NLGN1: variants seen among roughly 807,000 people sequenced by gnomAD.
The protein encoded by NLGN1 is neuroligin-1.
In NLGN1, 12 loss-of-function variants were observed where a neutral mutation model predicts 65.5. That is an observed-to-expected ratio of 0.18 (90% CI 0.12 to 0.30). The LOEUF is 0.30. Ranked by LOEUF, NLGN1 falls within the 10% of genes least tolerant of loss-of-function variation. The probability of loss-of-function intolerance (pLI) is 1.00; values close to 1 mark genes in which losing one functional copy is unlikely to be tolerated. For synonymous variants in NLGN1, 350 were observed against 359.5 expected (o/e 0.97, Z 0.30); for missense variants, 750 against 1,007.1 (o/e 0.74, Z 3.46).
chr3:173,579,662 T>C lies in NLGN1; in HGVS notation c.-320-24617T>C, dbSNP rs560155716. 5.2e-4 allele frequency among the ~76,000 whole-genome samples: 79 copies of C among 152,370 alleles called. 1 individual carries two copies. The highest frequency in any genetic ancestry group is 9.0e-4 in the Non-Finnish European group (61 of 68,034). Reference sequence around the variant, plus strand: ...GTCAAGCATTTTAAGTAGTCTTTTCTAATTAAGCAGGATTGTGGGAGTAGA... The same window carrying C: ...GTCAAGCATTTTAAGTAGTCTTTTCCAATTAAGCAGGATTGTGGGAGTAGA... On this transcript the variant is annotated intron_variant, in intron 2 of 6. Transcript: ENST00000457714.
At chr3:173,690,940 G>A (rs1372085862) in intron 3 of NLGN1, among the ~76,000 whole-genome samples, 1 of 152,124 alleles carries the variant, frequency 6.6e-6, no homozygotes, top group Non-Finnish European at 1.5e-5. Context: ...AGTGCCTTAG[G>A]AGAAGCTGTA....
intron 3 of NLGN1, among the ~76,000 whole-genome samples, chr3:173,705,489 G>T (rs1767911242): frequency 6.6e-6 from 1 of 152,090 alleles, no homozygotes; most frequent in Non-Finnish European, 1.5e-5. Flanking sequence ...AATACACATT[G>T]CTGCTTTGAA....
chr3:173,492,005 C>T (rs1057144638), intron 2 of NLGN1, among the ~76,000 whole-genome samples: 1 of 151,738 alleles, frequency 6.6e-6, no homozygotes, highest in Non-Finnish European at 1.5e-5. Flanking sequence ...TGTAATTCCT[C>T]CTCACTGACA....
At chr3:173,527,732 A>G (rs1227225683) in intron 2 of NLGN1, among the ~76,000 whole-genome samples, 2 of 152,046 alleles carry the variant, frequency 1.3e-5, no homozygotes, top group African/African-American at 4.8e-5. Context: ...TTCTTTTCCT[A>G]TAGAGTTGTT....
At chr3:174,017,838 A>G (rs749073165) in intron 4 of NLGN1, among the ~76,000 whole-genome samples, 2 of 152,178 alleles carry the variant, frequency 1.3e-5, no homozygotes, top group African/African-American at 2.4e-5. Flanking sequence ...CTGGGGCGAA[A>G]TTAAAATTGC....
intron 4 of NLGN1, among the ~76,000 whole-genome samples, chr3:173,855,171 A>C (rs767441544): frequency 6.6e-6 from 1 of 152,126 alleles, no homozygotes; most frequent in Non-Finnish European, 1.5e-5. Flanking sequence ...TATGGTGTTC[A>C]TAAGAGTGGT....
At chr3:173,470,642 A>G (rs1725161537) in intron 2 of NLGN1, among the ~76,000 whole-genome samples, 1 of 152,122 alleles carries the variant, frequency 6.6e-6, no homozygotes, top group Admixed American at 6.6e-5. Flanking sequence ...GCTGTTATAG[A>G]ATTAAATGAG....
chr3:173,489,074 C>CT lies in NLGN1; in HGVS notation c.-321+54005dup, dbSNP rs377346430. On this transcript the variant is annotated intron_variant, in intron 2 of 6. Coordinates refer to ENST00000457714, the Ensembl canonical transcript of NLGN1. Reference sequence around the variant, plus strand: ...CTCAGCCTTTTTCTTTTTCTGCTTACTTTTTTTTTCTTTTTTTATTATTAT... The same window carrying CT: ...CTCAGCCTTTTTCTTTTTCTGCTTACTTTTTTTTTTCTTTTTTTATTATTAT... Among the ~76,000 whole-genome samples the CT allele has an allele frequency of 3.4e-3, 506 of 150,858 alleles. 7 individuals are homozygous for CT. Among genetic ancestry groups the CT allele is most frequent in the Admixed American group, 0.031 (465 of 15,082 alleles).
chr3:173,782,098 CT>C (rs35107991), intron 3 of NLGN1, among the ~76,000 whole-genome samples: 1 of 150,406 alleles, frequency 6.6e-6, no homozygotes, highest in African/African-American at 2.4e-5. Flanking sequence ...TTGGAAGTGT[CT>C]TTTTTTTTAG....
intron 4 of NLGN1, among the ~76,000 whole-genome samples, chr3:173,809,185 AACATTCATAT>A (rs1244939216): frequency 2.0e-5 from 3 of 152,136 alleles, no homozygotes; most frequent in African/African-American, 7.2e-5. Flanking sequence ...CATTGCTTCA[AACATTCATAT>A]GATTTCTGTG....
chr3:173,817,206 A>G (rs758233873), intron 4 of NLGN1, among the ~76,000 whole-genome samples: 1 of 152,246 alleles, frequency 6.6e-6, no homozygotes, highest in African/African-American at 2.4e-5. Flanking sequence ...CAGCAAACTC[A>G]GCTGGAATGC....
intron 4 of NLGN1, among the ~76,000 whole-genome samples, chr3:174,178,145 G>A (rs973497791): frequency 2.0e-5 from 3 of 152,132 alleles, no homozygotes. Context: ...AGAAGAATAA[G>A]TGGGAAGGAA....
intron 3 of NLGN1, among the ~76,000 whole-genome samples, chr3:173,699,691 T>C (rs543133842): frequency 1.3e-5 from 2 of 152,226 alleles, no homozygotes; most frequent in African/African-American, 4.8e-5. Flanking sequence ...CTATTGAAAA[T>C]GGGAATTATA....
At chr3:173,952,620 T>C (rs1255404901) in intron 4 of NLGN1, among the ~76,000 whole-genome samples, 1 of 152,192 alleles carries the variant, frequency 6.6e-6, no homozygotes, top group Non-Finnish European at 1.5e-5. Flanking sequence ...GTTTCATGAT[T>C]TCCCTTTCAG....
intron 4 of NLGN1, among the ~76,000 whole-genome samples, chr3:173,837,262 A>C (rs1723807211): frequency 6.6e-6 from 1 of 152,108 alleles, no homozygotes; most frequent in South Asian, 2.1e-4. Context: ...ATAAAGACAA[A>C]AGATGTTTTT....
chr3:174,091,209 A>G (rs766398588), intron 4 of NLGN1, among the ~76,000 whole-genome samples: 3 of 152,230 alleles, frequency 2.0e-5, no homozygotes, highest in Non-Finnish European at 2.9e-5. Flanking sequence ...AAGGGCTTCA[A>G]CATTGGTCAT....
chr3:174,077,907 A>C (rs1018018340), intron 4 of NLGN1, among the ~76,000 whole-genome samples: 1 of 152,144 alleles, frequency 6.6e-6, no homozygotes, highest in Admixed American at 6.5e-5. Context: ...TGATCTTTAT[A>C]GGAAATGAAA....
chr3:174,025,140 T>A (rs1728604593), intron 4 of NLGN1, among the ~76,000 whole-genome samples: 1 of 152,208 alleles, frequency 6.6e-6, no homozygotes, highest in South Asian at 2.1e-4. Flanking sequence ...TAGTTAATCA[T>A]AAATTTATGT....
At chr3:173,863,365 C>A (rs1729521542) in intron 4 of NLGN1, among the ~76,000 whole-genome samples, 1 of 152,140 alleles carries the variant, frequency 6.6e-6, no homozygotes, top group South Asian at 2.1e-4. Flanking sequence ...AAAGCTTCTT[C>A]ATTATCATCT....
Sources: gnomAD v4.1 joint callset for allele counts (sites outside exome capture counted in the v4.1 genomes callset) on GRCh38, gnomAD v4.1.1 for gene constraint, MANE v1.5 for transcripts, NCBI Gene and HGNC (gene_info 2026-07-23, HGNC 2026-07-21) for gene names.